Variants in FHIT observed in about 807,000 individuals in gnomAD.
FHIT encodes the protein bis(5'-adenosyl)-triphosphatase.
In FHIT, 19 loss-of-function variants were observed where a neutral mutation model predicts 17.9. That is an observed-to-expected ratio of 1.06 (90% CI 0.74 to 1.56). FHIT has a LOEUF of 1.56. FHIT is among the 40% of genes most tolerant of loss of function. The pLI, the probability that FHIT is intolerant of heterozygous loss-of-function variation, is 0.00. For synonymous variants in FHIT, 81 were observed against 69.7 expected (o/e 1.16, Z -0.81); for missense variants, 248 against 189.2 (o/e 1.31, Z -1.82).
intron 3 of FHIT, among the ~76,000 whole-genome samples, chr3:60,873,992 T>C (rs1162178534): frequency 6.6e-6 from 1 of 152,112 alleles, no homozygotes; most frequent in Non-Finnish European, 1.5e-5. Context: ...ATGGTATGTG[T>C]TAAAAATTGT....
chr3:60,931,185 A>G (rs1018446528), intron 3 of FHIT, among the ~76,000 whole-genome samples: 20 of 146,068 alleles, frequency 1.4e-4, no homozygotes, highest in African/African-American at 4.2e-4. Flanking sequence ...GGACACAGGA[A>G]GGGGAACATC....
chr3:61,043,097 C>T (rs1048527055), intron 2 of FHIT, among the ~76,000 whole-genome samples: 3 of 152,148 alleles, frequency 2.0e-5, no homozygotes, highest in Non-Finnish European at 2.9e-5. Context: ...GTTCATCTCA[C>T]TGGGGCTTGT....
chr3:60,290,635 A>G (rs1707938310), intron 5 of FHIT, among the ~76,000 whole-genome samples: 1 of 152,174 alleles, frequency 6.6e-6, no homozygotes, highest in Non-Finnish European at 1.5e-5. Context: ...GGAAAGGTCT[A>G]GAAAAGGAAT....
intron 3 of FHIT, among the ~76,000 whole-genome samples, chr3:60,974,780 T>C (rs1297433958): frequency 2.6e-5 from 4 of 152,184 alleles, no homozygotes; most frequent in Non-Finnish European, 5.9e-5. Flanking sequence ...TGATAATGTT[T>C]TACTTTCCCA....
chr3:60,118,059 C>T (rs1362602176), intron 5 of FHIT, among the ~76,000 whole-genome samples: 2 of 152,138 alleles, frequency 1.3e-5, no homozygotes, highest in African/African-American at 4.8e-5. Flanking sequence ...TATCTTTTAA[C>T]AAACCTCACA....
intron 5 of FHIT, among the ~76,000 whole-genome samples, chr3:60,222,845 G>T (rs916538818): frequency 1.3e-5 from 2 of 152,104 alleles, no homozygotes; most frequent in African/African-American, 4.8e-5. Flanking sequence ...AGGTTGCAGT[G>T]AGACAAGATC....
intron 5 of FHIT, among the ~76,000 whole-genome samples, chr3:60,190,761 T>C (rs1702366620): frequency 6.6e-6 from 1 of 151,824 alleles, no homozygotes; most frequent in Non-Finnish European, 1.5e-5. Flanking sequence ...ACTTAAAGTA[T>C]AATAATAATA....
intron 5 of FHIT, among the ~76,000 whole-genome samples, chr3:60,064,097 A>G (rs770914969): frequency 6.6e-6 from 1 of 152,230 alleles, no homozygotes; most frequent in Non-Finnish European, 1.5e-5. Flanking sequence ...TTGGAGGACA[A>G]GAGGCCAGCA....
At chr3:60,950,165 A>C (rs2107454494) in intron 3 of FHIT, among the ~76,000 whole-genome samples, 1 of 152,368 alleles carries the variant, frequency 6.6e-6, no homozygotes, top group East Asian at 1.9e-4. Context: ...TCACAAGAGT[A>C]TGAAATTGTC....
At chr3:61,033,408 C>A (rs1452478232) in intron 3 of FHIT, among the ~76,000 whole-genome samples, 1 of 151,992 alleles carries the variant, frequency 6.6e-6, no homozygotes, top group Non-Finnish European at 1.5e-5. Context: ...ACCTCAAAGA[C>A]TGAGTAGGAA....
intron 4 of FHIT, among the ~76,000 whole-genome samples, chr3:60,582,051 G>A (rs1234292214): frequency 6.6e-6 from 1 of 151,968 alleles, no homozygotes; most frequent in African/African-American, 2.4e-5. Flanking sequence ...CAAAACCTAA[G>A]GGTCTGAAGC....
At chr3:60,520,863 T>C (rs775476611) in intron 5 of FHIT, among the ~76,000 whole-genome samples, 3 of 152,048 alleles carry the variant, frequency 2.0e-5, no homozygotes, top group African/African-American at 4.8e-5. Flanking sequence ...CAGCAGCATT[T>C]TTCACACACC....
chr3:60,981,883 A>G (rs944303770), intron 3 of FHIT, among the ~76,000 whole-genome samples: 2 of 152,094 alleles, frequency 1.3e-5, no homozygotes, highest in Admixed American at 1.3e-4. Context: ...GATGAAAGCC[A>G]TTGTGCTCAG....
chr3:60,067,124 A>G (rs1039808013), intron 5 of FHIT, among the ~76,000 whole-genome samples: 1 of 152,140 alleles, frequency 6.6e-6, no homozygotes, highest in African/African-American at 2.4e-5. Flanking sequence ...CCCAACTCCA[A>G]AATAAACCTA....
intron 3 of FHIT, among the ~76,000 whole-genome samples, chr3:60,849,099 C>T (rs1553747491): frequency 1.3e-5 from 2 of 151,974 alleles, no homozygotes; most frequent in African/African-American, 4.8e-5. Context: ...AAACCATTTC[C>T]TGAAAGGGAA....
intron 2 of FHIT, among the ~76,000 whole-genome samples, chr3:61,050,295 A>T (rs1486090666): frequency 6.6e-6 from 1 of 152,180 alleles, no homozygotes; most frequent in Non-Finnish European, 1.5e-5. Context: ...ATATAGAGCA[A>T]ATGATCCAGT....
intron 2 of FHIT, among the ~76,000 whole-genome samples, chr3:61,184,624 T>C (rs939539286): frequency 3.9e-5 from 6 of 152,140 alleles, no homozygotes; most frequent in Admixed American, 2.6e-4. Flanking sequence ...GCATTCTAAG[T>C]GCCAGGGCAA....
At chr3:61,169,203 T>C (rs1013753007) in intron 2 of FHIT, among the ~76,000 whole-genome samples, 1 of 152,218 alleles carries the variant, frequency 6.6e-6, no homozygotes, top group Non-Finnish European at 1.5e-5. Context: ...TCGTAAGTTG[T>C]AGATAACTGA....
At chr3:60,608,587 T>C (rs2038683012) in intron 4 of FHIT, among the ~76,000 whole-genome samples, 1 of 151,148 alleles carries the variant, frequency 6.6e-6, no homozygotes, top group Non-Finnish European at 1.5e-5. Flanking sequence ...TTTATTTTTT[T>C]TCCCACCAGG....
Sources: allele counts gnomAD v4.1 joint callset (sites outside exome capture counted in the v4.1 genomes callset), GRCh38; gene constraint gnomAD v4.1.1; transcripts MANE v1.5; gene names NCBI Gene and HGNC (gene_info 2026-07-23, HGNC 2026-07-21).